Variants in PTPRN2 observed in about 807,000 individuals in gnomAD.
The protein encoded by PTPRN2 is receptor-type tyrosine-protein phosphatase N2.
In PTPRN2, 74 loss-of-function variants were observed where a neutral mutation model predicts 118.8. The ratio of observed to expected loss-of-function variants is 0.62; its 90% CI spans 0.52 to 0.76. The LOEUF (loss-of-function observed/expected upper bound fraction) is 0.76. Ranked by LOEUF, PTPRN2 falls within the 30% of genes least tolerant of loss-of-function variation. The pLI is 0.00. For missense variants in PTPRN2, 1,481 were observed against 1,394.4 expected (o/e 1.06, Z -0.99); for synonymous variants, 641 against 608.0 (o/e 1.05, Z -0.80).
intron 2 of PTPRN2, among the ~76,000 whole-genome samples, chr7:158,406,677 C>T (rs2151421582): frequency 6.6e-6 from 1 of 152,352 alleles, no homozygotes; most frequent in South Asian, 2.1e-4. Flanking sequence ...CTGAGACCTG[C>T]CCTGTTCACA....
At chr7:158,484,601 G>T (rs994346023) in intron 2 of PTPRN2, among the ~76,000 whole-genome samples, 2 of 152,224 alleles carry the variant, frequency 1.3e-5, no homozygotes, top group African/African-American at 4.8e-5. Flanking sequence ...GATCTCAAGT[G>T]ATCTGCCCGC....
intron 11 of PTPRN2, among the ~76,000 whole-genome samples, chr7:157,943,146 C>G (rs897740155): frequency 1.3e-5 from 2 of 152,178 alleles, no homozygotes; most frequent in African/African-American, 4.8e-5. Context: ...AGGAGGAGTT[C>G]TCGAGACCCA....
intron 2 of PTPRN2, among the ~76,000 whole-genome samples, chr7:158,348,571 C>A (rs372415336): frequency 6.6e-6 from 1 of 152,140 alleles, no homozygotes; most frequent in African/African-American, 2.4e-5. Flanking sequence ...GTGTTGGCTT[C>A]TGTCACTTGC....
chr7:157,921,122 A>G (rs1798669831), intron 11 of PTPRN2, among the ~76,000 whole-genome samples: 1 of 152,192 alleles, frequency 6.6e-6, no homozygotes, highest in Non-Finnish European at 1.5e-5. Flanking sequence ...GTGTATCCAT[A>G]TAATAGGATA....
At chr7:158,410,397 C>T (rs533610335) in intron 2 of PTPRN2, among the ~76,000 whole-genome samples, 10 of 152,270 alleles carry the variant, frequency 6.6e-5, no homozygotes, top group African/African-American at 2.4e-4. Flanking sequence ...TGACTACAGA[C>T]AGGAGAATTA....
intron 12 of PTPRN2, among the ~76,000 whole-genome samples, chr7:157,709,355 G>C (rs1440559545): frequency 1.3e-5 from 2 of 152,208 alleles, no homozygotes; most frequent in Non-Finnish European, 2.9e-5. Flanking sequence ...AGACGATTTT[G>C]ACCCCTGACA....
At chr7:157,641,622 C>T (rs1015447301) in intron 14 of PTPRN2, among the ~76,000 whole-genome samples, 6 of 152,120 alleles carry the variant, frequency 3.9e-5, no homozygotes, top group East Asian at 1.9e-4. Context: ...AGACTCTGGA[C>T]GTGGCACCAT....
chr7:158,308,118 A>G (rs1185867571), intron 3 of PTPRN2, among the ~76,000 whole-genome samples: 2 of 152,230 alleles, frequency 1.3e-5, no homozygotes, highest in Non-Finnish European at 2.9e-5. Context: ...TAAGCAACAG[A>G]AAATAGGCAA....
At chr7:158,584,664 G>A (rs893993849) in intron 1 of PTPRN2, among the ~76,000 whole-genome samples, 9 of 152,152 alleles carry the variant, frequency 5.9e-5, no homozygotes, top group Non-Finnish European at 1.3e-4. Context: ...ATAAATCAGG[G>A]GAAAAGAGAG....
chr7:158,050,437 C>A lies in PTPRN2; in HGVS notation c.1723+30861G>T, dbSNP rs377109563. On this transcript the variant is annotated intron_variant, in intron 11 of 22. Transcript: ENST00000389418. The stretch of plus-strand genomic sequence containing the variant: ...CAACCTCAATGCCTTTTACTGACTC[C>A]CATCTGCAGAGCCTCAAGCCAACTC... Among the ~76,000 whole-genome samples the A allele has an allele frequency of 1.5e-4, 23 of 152,332 alleles. No homozygotes were observed. The East Asian group carries it at 3.1e-3, about 20-fold the overall frequency.
In PTPRN2 at chr7:158,133,726, C is replaced by A. The variant is rs778764087; in HGVS notation, c.1507G>T (p.Val503Phe). 5.6e-6 allele frequency: 9 copies of A among 1,610,946 alleles called. No homozygotes were observed. Among genetic ancestry groups the A allele is most frequent in the Non-Finnish European group, 7.6e-6 (9 of 1,178,100 alleles). The change falls in exon 9 of 23, where the codon GTC (valine) becomes TTC (phenylalanine). Residue 503 changes from valine (V) to phenylalanine (F), a missense_variant. By Grantham distance (50) the Val-to-Phe change is conservative (BLOSUM62 -1). This residue lies in a region of PTPRN2 where 1,115 missense variants were observed against 994.2 expected (regional missense o/e 1.12). Transcript: ENST00000389418. ...CGCGCCTCTTCCTCGGAAGGCTGGA[C>A]CTCCAATTGCAGGCCGTCGCTGAGG... The part of the protein sequence containing the change: ...EALSDGLQLE[V>F]QPSEEEARGY...
At chr7:157,726,647 G>A (rs1463502088) in intron 12 of PTPRN2, among the ~76,000 whole-genome samples, 2 of 152,222 alleles carry the variant, frequency 1.3e-5, no homozygotes, top group South Asian at 2.1e-4. Flanking sequence ...GAAAAAAATA[G>A]ATAAATTGGG....
chr7:158,470,777 T>C lies in PTPRN2; in HGVS notation c.163+18958A>G, dbSNP rs567595383. ...CAGGCTCAGTACATCTTCCCGCTCA[T>C]GTTACAGTGAAATGCGTGACCTTAG... On this transcript the variant is annotated intron_variant, in intron 2 of 22. Transcript: ENST00000389418. 3.3e-5 allele frequency among the ~76,000 whole-genome samples: 5 copies of C among 152,152 alleles called. No homozygotes were observed. The South Asian group carries it at 1.0e-3, about 32-fold the overall frequency.
chr7:158,292,094 A>T (rs1800160758), intron 3 of PTPRN2, among the ~76,000 whole-genome samples: 1 of 152,198 alleles, frequency 6.6e-6, no homozygotes, highest in Non-Finnish European at 1.5e-5. Context: ...ACAGCCCGCA[A>T]ATGGATCCCT....
At chr7:158,106,618 C>A (rs965219360) in intron 10 of PTPRN2, among the ~76,000 whole-genome samples, 2 of 152,184 alleles carry the variant, frequency 1.3e-5, no homozygotes, top group Non-Finnish European at 2.9e-5. Flanking sequence ...ATGAAATGAG[C>A]CTCTCCACAC....
chr7:158,252,856 G>A (rs754342608), intron 3 of PTPRN2, among the ~76,000 whole-genome samples: 17 of 151,872 alleles, frequency 1.1e-4, no homozygotes, highest in Non-Finnish European at 2.4e-4. Flanking sequence ...CCCGATTGAT[G>A]GGGAGATTAA....
intron 10 of PTPRN2, among the ~76,000 whole-genome samples, chr7:158,095,958 C>G (rs1269101086): frequency 6.6e-6 from 1 of 152,242 alleles, no homozygotes; most frequent in Non-Finnish European, 1.5e-5. Context: ...TCTTCACTAC[C>G]TGGTGTCCAG....
intron 12 of PTPRN2, among the ~76,000 whole-genome samples, chr7:157,758,821 C>T (rs373883084): frequency 2.1e-3 from 317 of 152,238 alleles, no homozygotes; most frequent in African/African-American, 7.0e-3. Flanking sequence ...CCTGATTTCA[C>T]GGGACTCCTA....
At chr7:158,535,928 C>A (rs1178923746) in intron 1 of PTPRN2, among the ~76,000 whole-genome samples, 1 of 147,796 alleles carries the variant, frequency 6.8e-6, no homozygotes, top group African/African-American at 2.5e-5. Flanking sequence ...ATCTAAAAGT[C>A]TGGTTCCATA....
Sources: allele counts gnomAD v4.1 joint callset (sites outside exome capture counted in the v4.1 genomes callset), GRCh38; gene constraint gnomAD v4.1.1; regional missense constraint gnomAD v4.1.1; transcripts MANE v1.5; gene names NCBI Gene and HGNC (gene_info 2026-07-23, HGNC 2026-07-21).